ERN1: variants seen among roughly 807,000 people sequenced by gnomAD.
The protein encoded by ERN1 is serine/threonine-protein kinase/endoribonuclease IRE1.
ERN1 carries 39 observed loss-of-function variants against 113.1 expected under a neutral mutation model. The ratio of observed to expected loss-of-function variants is 0.34; its 90% CI spans 0.27 to 0.45. The LOEUF (loss-of-function observed/expected upper bound fraction) is 0.45. ERN1 is among the 20% of genes least tolerant of loss of function. The probability of loss-of-function intolerance (pLI) is 1.00; values close to 1 mark genes in which losing one functional copy is unlikely to be tolerated. For synonymous variants in ERN1, 507 were observed against 515.9 expected (o/e 0.98, Z 0.23); for missense variants, 976 against 1,274.8 (o/e 0.77, Z 3.57).
chr17:64,093,773 A>G (rs1425889831), intron 2 of ERN1, among the ~76,000 whole-genome samples: 1 of 152,182 alleles, frequency 6.6e-6, no homozygotes, highest in Non-Finnish European at 1.5e-5. Flanking sequence ...GATGACACAA[A>G]TATTCAGTCC....
intron 1 of ERN1, among the ~76,000 whole-genome samples, chr17:64,115,701 C>A (rs1914786209): frequency 1.3e-5 from 2 of 152,178 alleles, no homozygotes; most frequent in African/African-American, 4.8e-5. Context: ...GAGTCTGGAA[C>A]ATATAGATGC....
At position 64,074,590 on chromosome 17, in the gene ERN1, T is replaced by C. The variant is rs1047838943; in HGVS notation, c.355+585A>G. On this transcript the variant is annotated intron_variant, in intron 5 of 21. Coordinates refer to ENST00000433197, the MANE Select transcript of ERN1 (RefSeq NM_001433.5). The stretch of plus-strand genomic sequence containing the variant: ...GTTCCTCAAAAAGAAAGCTGCTGTA[T>C]AAATACGGGCTATTATTGCTACTAT... Among the ~76,000 whole-genome samples, 18 of 152,254 alleles carry C rather than the reference T, an allele frequency of 1.2e-4. 1 individual carries two copies. Among genetic ancestry groups the C allele is most frequent in the Non-Finnish European group, 4.4e-5 (3 of 68,046 alleles).
At position 64,052,769 on chromosome 17, in the gene ERN1, C is replaced by T. The variant is rs74407634; in HGVS notation, c.2253+11G>A. ...TCTGTAGTTTTCAAAGGGCCATAGC[C>T]TATTACTCACAGGGTTCTCCTTACA... On this transcript the variant is annotated intron_variant, in intron 17 of 21. Coordinates refer to ENST00000433197, the MANE Select transcript of ERN1 (RefSeq NM_001433.5). 0.085 allele frequency: 136,418 copies of T among 1,610,520 alleles called. 6,680 individuals carry two copies. Among genetic ancestry groups the T allele is most frequent in the African/African-American group, 0.18 (13,139 of 74,900 alleles).
chr17:64,050,941 C>T (rs1172474233), intron 17 of ERN1, among the ~76,000 whole-genome samples: 6 of 152,128 alleles, frequency 3.9e-5, no homozygotes, highest in Non-Finnish European at 8.8e-5. Context: ...AGGTCTCCAT[C>T]GGGGAGTGTC....
rs112963077 is a variant in ERN1 at position 64,116,842 on chromosome 17, T to C, written c.54+13134A>G. Among the ~76,000 whole-genome samples, 628 of 151,806 alleles carry C rather than the reference T, an allele frequency of 4.1e-3. 4 individuals are homozygous for C. Among genetic ancestry groups the C allele is most frequent in the African/African-American group, 0.013 (533 of 41,346 alleles). On this transcript the variant is annotated intron_variant, in intron 1 of 21. Transcript: ENST00000433197. ...CAACGTGGCCGGGAGCGGTGGCTCA[T>C]GCCTGTAATCCCAGCACTTTGGGAG... is the stretch of plus-strand genomic sequence containing the variant.
chr17:64,048,029 G>A (rs1345134101), intron 18 of ERN1, 44 bp from the exon 19 acceptor site: 2 of 1,552,366 alleles, frequency 1.3e-6, no homozygotes, highest in African/African-American at 2.7e-5. Flanking sequence ...CCAGTCCAAA[G>A]CCACAGTGAA....
chr17:64,106,061 G>A (rs1567882643), intron 1 of ERN1, among the ~76,000 whole-genome samples: 1 of 152,250 alleles, frequency 6.6e-6, no homozygotes, highest in South Asian at 2.1e-4. Context: ...GTGTACCTCA[G>A]TTCCTGGAAC....
At chr17:64,103,527 A>G (rs1914443919) in intron 1 of ERN1, among the ~76,000 whole-genome samples, 1 of 151,882 alleles carries the variant, frequency 6.6e-6, no homozygotes, top group African/African-American at 2.4e-5. Context: ...AATGTTACAC[A>G]AAATCCAGCA....
chr17:64,053,916 T>C (rs1912769625), intron 15 of ERN1: 1 of 236,610 alleles, frequency 4.2e-6, no homozygotes, highest in Non-Finnish European at 8.4e-6. Context: ...ATCAAGCTAT[T>C]ACATTTAAAA....
intron 11 of ERN1, among the ~76,000 whole-genome samples, chr17:64,059,367 C>A (rs1397552694): frequency 6.6e-6 from 1 of 152,174 alleles, no homozygotes; most frequent in Non-Finnish European, 1.5e-5. Flanking sequence ...CTTCTTCTGA[C>A]CCTACTCATG....
At chr17:64,093,755 A>C (rs981011236) in intron 2 of ERN1, among the ~76,000 whole-genome samples, 1 of 152,192 alleles carries the variant, frequency 6.6e-6, no homozygotes, top group Non-Finnish European at 1.5e-5. Flanking sequence ...TATGAATGGC[A>C]GTGGAAGGAT....
At chr17:64,053,177 C>A (rs1912742005) in intron 16 of ERN1, 95 bp downstream of exon 16, 1 of 1,092,366 alleles carries the variant, frequency 9.2e-7, no homozygotes, top group Non-Finnish European at 1.3e-6. Context: ...AGAGCTTGAA[C>A]AGAAGCAAGG....
intron 2 of ERN1, among the ~76,000 whole-genome samples, chr17:64,096,160 G>T (rs561529974): frequency 6.6e-6 from 1 of 152,304 alleles, no homozygotes; most frequent in Admixed American, 6.5e-5. Context: ...TTAGGAACTG[G>T]GCCACACAGC....
At chr17:64,099,631 A>T (rs1914328654) in intron 1 of ERN1, among the ~76,000 whole-genome samples, 1 of 152,074 alleles carries the variant, frequency 6.6e-6, no homozygotes, top group Non-Finnish European at 1.5e-5. Context: ...TAAATGTAAA[A>T]GGATTGGGGT....
chr17:64,079,928 T>C (rs996543324), intron 3 of ERN1, among the ~76,000 whole-genome samples, 194 bp from the exon 4 acceptor site: 1 of 152,158 alleles, frequency 6.6e-6, no homozygotes, highest in Non-Finnish European at 1.5e-5. Flanking sequence ...AATACCCCTA[T>C]GGTGGTATAC....
Position 64,060,460 on chromosome 17 carries a change from C to T in ERN1, c.1206+9G>A. 6.3e-7 allele frequency: 1 copy of T among 1,587,102 alleles called. No homozygotes were observed. Among genetic ancestry groups the T allele is most frequent in the Non-Finnish European group, 8.7e-7 (1 of 1,155,398 alleles). ...CCAACAACCCCCGACTGGTCGCTTC[C>T]TCACTCACTTCCTCAAAGCTCTTTT... is the stretch of plus-strand genomic sequence containing the variant. On this transcript the variant is annotated intron_variant, in intron 11 of 21. Coordinates refer to ENST00000433197, the MANE Select transcript of ERN1 (RefSeq NM_001433.5).
intron 1 of ERN1, among the ~76,000 whole-genome samples, chr17:64,126,947 A>G (rs964314775): frequency 2.0e-5 from 3 of 152,202 alleles, no homozygotes; most frequent in Non-Finnish European, 2.9e-5. Flanking sequence ...TTTGCCTCAC[A>G]TTGTACTGAT....
At chr17:64,048,430 C>T (rs766566176) in intron 18 of ERN1, among the ~76,000 whole-genome samples, 1 of 152,224 alleles carries the variant, frequency 6.6e-6, no homozygotes, top group Non-Finnish European at 1.5e-5. Context: ...AGCCATCATT[C>T]ATCCCTGTAT....
chr17:64,129,819 A>G, intron 1 of ERN1, 157 bp downstream of exon 1: 1 of 624,004 alleles, frequency 1.6e-6, no homozygotes, highest in Non-Finnish European at 2.3e-6. Flanking sequence ...GCCGCCTCCT[A>G]CGCCCGGCCC....
Sources: gnomAD v4.1 joint callset for allele counts (sites outside exome capture counted in the v4.1 genomes callset) on GRCh38, gnomAD v4.1.1 for gene constraint, MANE v1.5 for transcripts, NCBI Gene and HGNC (gene_info 2026-07-23, HGNC 2026-07-21) for gene names.